Variants in ARHGEF18 observed in about 807,000 individuals in gnomAD.
ARHGEF18 encodes rho guanine nucleotide exchange factor 18.
In ARHGEF18, 93 loss-of-function variants were observed where a neutral mutation model predicts 155.7. The observed-to-expected ratio is 0.60, with a 90% CI of 0.50 to 0.71. ARHGEF18 has a LOEUF of 0.71. ARHGEF18 is among the 30% of genes least tolerant of loss of function. ARHGEF18 has a pLI of 0.00. For missense variants in ARHGEF18, 1,593 were observed against 1,816.1 expected (o/e 0.88, Z 2.23); for synonymous variants, 742 against 753.1 (o/e 0.99, Z 0.24).
rs368933796 is a variant in ARHGEF18, at chr19:7,422,759, C to T, written c.968-17585C>T. Among the ~76,000 whole-genome samples the T allele has an allele frequency of 9.0e-5, 13 of 144,380 alleles. No individual in the cohort carries two copies. In the East Asian group the frequency reaches 1.5e-3, roughly 16 times the overall value. The allele number at this position is 144,380 out of a possible 152,430, so 94.7% of individuals were successfully genotyped here. On this transcript the variant is annotated intron_variant, in intron 10 of 28. Coordinates refer to ENST00000668164, the MANE Select transcript of ARHGEF18 (RefSeq NM_001367823.1). ...TTTGAGATGGAGTCTCACCCTGTCA[C>T]CCAGACTGGAGTGCAGTGGCAGGAT...
intron 10 of ARHGEF18, among the ~76,000 whole-genome samples, chr19:7,400,753 G>A (rs1971988552): frequency 6.6e-6 from 1 of 152,178 alleles, no homozygotes; most frequent in Non-Finnish European, 1.5e-5. Flanking sequence ...AGGATTGCTT[G>A]AGCCTTGGGA....
intron 18 of ARHGEF18, among the ~76,000 whole-genome samples, chr19:7,456,921 A>G (rs1975865515): frequency 1.3e-5 from 2 of 152,036 alleles, no homozygotes; most frequent in Admixed American, 6.6e-5. Flanking sequence ...TTTTTAGTAG[A>G]GACGGGGTTT....
At chr19:7,429,272 A>G (rs1973828458) in intron 10 of ARHGEF18, among the ~76,000 whole-genome samples, 1 of 152,202 alleles carries the variant, frequency 6.6e-6, no homozygotes, top group Non-Finnish European at 1.5e-5. Flanking sequence ...CGGCGATCTC[A>G]GCCTGGGCTA....
At chr19:7,466,334 G>A (rs1309679243) in intron 23 of ARHGEF18, among the ~76,000 whole-genome samples, 3 of 144,686 alleles carry the variant, frequency 2.1e-5, no homozygotes, top group African/African-American at 5.2e-5. Context: ...AGTGAGCTGA[G>A]ATCGTGCCAT....
intron 10 of ARHGEF18, among the ~76,000 whole-genome samples, chr19:7,431,844 A>G (rs533257055): frequency 2.6e-5 from 4 of 152,358 alleles, no homozygotes; most frequent in African/African-American, 9.6e-5. Context: ...TCCTCAGGAC[A>G]CAGCCTGGAA....
At position 7,463,125 on chromosome 19, in the gene ARHGEF18, C is replaced by T. The variant is rs1030448988; in HGVS notation, c.2636-693C>T. Among the ~76,000 whole-genome samples the T allele has an allele frequency of 2.3e-4, 35 of 152,284 alleles. 1 individual carries two copies. The highest frequency in any genetic ancestry group is 3.8e-4 in the Non-Finnish European group (26 of 68,012). On this transcript the variant is annotated intron_variant, in intron 21 of 28. Coordinates refer to ENST00000668164, the MANE Select transcript of ARHGEF18 (RefSeq NM_001367823.1). The surrounding 1 kb of genome is among the most constrained non-coding windows in gnomAD (Gnocchi z 5.2). ...CTGGGATTATAGGCGTGAGCCACCG[C>T]GCCCTGCCTCAATCTGCTCTTTCAA...
chr19:7,350,766 GGGTGTGTGTGTGTGT>G (rs1969136322), intron 1 of ARHGEF18, among the ~76,000 whole-genome samples: 7 of 6,438 alleles, frequency 1.1e-3, no homozygotes, highest in Admixed American at 3.3e-3. Flanking sequence ...TTTTTGGGGT[GGGTGTGTGTGTGTGT>G]GTGTGTGTGT....
rs74497723 is a variant in ARHGEF18, at chr19:7,442,050, A to T, written c.1358A>T (p.Tyr453Phe). The part of the protein sequence containing the change: ...REVVKRQDVL[Y>F]ELMQTEVHHV... ...GTGGTGAAAAGACAAGATGTCCTTT[A>T]TGGTGAGGAGTCCACAGCCCTGTGC... The change falls in exon 13 of 29, where the codon TAT (tyrosine) becomes TTT (phenylalanine). Residue 453 changes from tyrosine (Y) to phenylalanine (F), a missense_variant and splice_region_variant. Transcript: ENST00000668164. 2,869 of 1,613,934 alleles carry T rather than the reference A, an allele frequency of 1.8e-3. 46 individuals are homozygous for T. The African/African-American group carries it at 0.035, about 19-fold the overall frequency.
At chr19:7,362,376 G>A (rs1969668830) in intron 1 of ARHGEF18, among the ~76,000 whole-genome samples, 2 of 151,548 alleles carry the variant, frequency 1.3e-5, no homozygotes. Context: ...GTGGGCATTG[G>A]GTACTTGCAT....
intron 14 of ARHGEF18, among the ~76,000 whole-genome samples, chr19:7,445,128 G>A (rs774646653): frequency 1.3e-5 from 2 of 152,144 alleles, no homozygotes; most frequent in Admixed American, 6.6e-5. Flanking sequence ...TTTGGTTCAA[G>A]TCACTTATGC....
chr19:7,462,149 C>T lies in ARHGEF18; in HGVS notation c.2453-3C>T. ...GACTGCCACCTCCACCATCACTCTG[C>T]AGAGCGGTTGAGCATGAAAGACCAG... On this transcript the variant is annotated splice_region_variant and splice_polypyrimidine_tract_variant and intron_variant, in intron 20 of 28. Coordinates refer to ENST00000668164, the MANE Select transcript of ARHGEF18 (RefSeq NM_001367823.1). This position sits in a 1 kb window ranked among gnomAD's most constrained non-coding sequence, Gnocchi z 4.4. The T allele has an allele frequency of 1.9e-6, 3 of 1,613,812 alleles. No individual in the cohort carries two copies. Among genetic ancestry groups the T allele is most frequent in the Non-Finnish European group, 1.7e-6 (2 of 1,180,010 alleles).
At chr19:7,427,115 G>A (rs1973710241) in intron 10 of ARHGEF18, among the ~76,000 whole-genome samples, 1 of 152,148 alleles carries the variant, frequency 6.6e-6, no homozygotes, top group Non-Finnish European at 1.5e-5. Flanking sequence ...GTTCCATCTG[G>A]CCTTTTTGCT....
At chr19:7,412,241 TC>T (rs779912645) in intron 10 of ARHGEF18, among the ~76,000 whole-genome samples, 2 of 151,356 alleles carry the variant, frequency 1.3e-5, no homozygotes, top group Non-Finnish European at 2.9e-5. Flanking sequence ...GGTCTCGAAC[TC>T]CTGACTTCGT....
rs956078925 is a variant in ARHGEF18 at position 7,463,129 on chromosome 19, C to T, written c.2636-689C>T. Among the ~76,000 whole-genome samples the T allele has an allele frequency of 8.5e-5, 13 of 152,144 alleles. No individual in the cohort carries two copies. Among genetic ancestry groups the T allele is most frequent in the African/African-American group, 2.4e-4 (10 of 41,440 alleles). On this transcript the variant is annotated intron_variant, in intron 21 of 28. Coordinates refer to ENST00000668164, the MANE Select transcript of ARHGEF18 (RefSeq NM_001367823.1). This position sits in a 1 kb window ranked among gnomAD's most constrained non-coding sequence, Gnocchi z 5.2. Reference sequence around the variant, plus strand: ...GATTATAGGCGTGAGCCACCGCGCCCTGCCTCAATCTGCTCTTTCAACAGT... The same window carrying T: ...GATTATAGGCGTGAGCCACCGCGCCTTGCCTCAATCTGCTCTTTCAACAGT...
At chr19:7,362,654 C>T in intron 1 of ARHGEF18, 127 bp from the exon 2 acceptor site, 1 of 875,074 alleles carries the variant, frequency 1.1e-6, no homozygotes, top group Non-Finnish European at 1.5e-6. Flanking sequence ...CCCCTCCCCT[C>T]ACCAACTCAT....
Position 7,451,059 on chromosome 19 carries a change from G to C in ARHGEF18, c.1738-90G>C, listed in dbSNP as rs533525193. 7.9e-4 allele frequency: 939 copies of C among 1,182,242 alleles called. 13 individuals are homozygous for C. The African/African-American group carries it at 0.013, about 16-fold the overall frequency. 73.2% of individuals were successfully genotyped at this position (1,182,242 alleles called of 1,614,324 possible). On this transcript the variant is annotated intron_variant, in intron 15 of 28. Coordinates refer to ENST00000668164, the MANE Select transcript of ARHGEF18 (RefSeq NM_001367823.1). ...GTCCATTTCCGAGATGTTAATGCGGGATCTTGCTGTCCGTTTCTGAGATGT... is the reference window on the plus strand; with the variant it reads ...GTCCATTTCCGAGATGTTAATGCGGCATCTTGCTGTCCGTTTCTGAGATGT...
chr19:7,370,039 A>G (rs1363292200), intron 2 of ARHGEF18, among the ~76,000 whole-genome samples: 2 of 152,040 alleles, frequency 1.3e-5, no homozygotes, highest in Admixed American at 1.3e-4. Flanking sequence ...TCTACTGAAA[A>G]TAGAAAAATC....
rs1212581637 is a variant in ARHGEF18 at position 7,438,416 on chromosome 19, T to A, written c.968-1928T>A. 3.3e-5 allele frequency among the ~76,000 whole-genome samples: 5 copies of A among 150,720 alleles called. No individual in the cohort carries two copies. The South Asian group carries it at 8.4e-4, about 25-fold the overall frequency. Reference sequence around the variant, plus strand: ...ATGTCTGGCCCAGATTTCTTTTTTTTTTTTTTATTTTTGAGACAGAGTTTC... The same window carrying A: ...ATGTCTGGCCCAGATTTCTTTTTTTATTTTTTATTTTTGAGACAGAGTTTC... On this transcript the variant is annotated intron_variant, in intron 10 of 28. Coordinates refer to ENST00000668164, the MANE Select transcript of ARHGEF18 (RefSeq NM_001367823.1).
At chr19:7,475,094 A>G (rs1040933207), downstream of ARHGEF18, among the ~76,000 whole-genome samples, 5 of 152,248 alleles carry the variant, frequency 3.3e-5, no homozygotes, top group Admixed American at 2.6e-4. Flanking sequence ...TTAGCCAGGC[A>G]TGCTTGGGCG....
Sources: gnomAD v4.1 joint callset for allele counts (sites outside exome capture counted in the v4.1 genomes callset) on GRCh38, gnomAD v4.1.1 for gene constraint, Gnocchi (gnomAD v3.1) non-coding constraint, MANE v1.5 for transcripts, NCBI Gene and HGNC (gene_info 2026-07-23, HGNC 2026-07-21) for gene names.